Variants in MAD1L1 observed in about 807,000 individuals in gnomAD.
MAD1L1 encodes the protein mitotic spindle assembly checkpoint protein MAD1.
A neutral mutation model predicts 96.9 loss-of-function variants in MAD1L1; 95 were observed. The ratio of observed to expected loss-of-function variants is 0.98; its 90% confidence interval spans 0.83 to 1.16. The LOEUF is 1.16. MAD1L1 is among the 50% of genes most tolerant of loss of function. The probability of loss-of-function intolerance (pLI) is 0.00; values close to 1 mark genes in which losing one functional copy is unlikely to be tolerated. For missense variants in MAD1L1, 1,007 were observed against 954.4 expected (o/e 1.06, Z -0.73); for synonymous variants, 473 against 396.6 (o/e 1.19, Z -2.29).
intron 11 of MAD1L1, among the ~76,000 whole-genome samples, chr7:2,104,746 C>A (rs1230545865): frequency 6.6e-6 from 1 of 152,064 alleles, no homozygotes; most frequent in African/African-American, 2.4e-5. Context: ...TCCCTAACGC[C>A]TTTGCCATGA....
intron 17 of MAD1L1, among the ~76,000 whole-genome samples, chr7:1,936,290 G>A (rs1402681619): frequency 1.3e-5 from 2 of 152,256 alleles, no homozygotes; most frequent in African/African-American, 4.8e-5. Context: ...CACAGGCCTT[G>A]GCCTCAAAGG....
intron 14 of MAD1L1, among the ~76,000 whole-genome samples, chr7:1,990,211 C>T (rs1781346892): frequency 6.6e-6 from 1 of 152,220 alleles, no homozygotes; most frequent in Non-Finnish European, 1.5e-5. Flanking sequence ...CCTCACAGAA[C>T]CCTGGCTGCA....
At chr7:1,953,554 A>G (rs1454773339) in intron 16 of MAD1L1, among the ~76,000 whole-genome samples, 1 of 152,254 alleles carries the variant, frequency 6.6e-6, no homozygotes, top group African/African-American at 2.4e-5. Flanking sequence ...CTACTTAATT[A>G]CACGCACACT....
chr7:2,136,220 C>T (rs3778994), intron 11 of MAD1L1, among the ~76,000 whole-genome samples: 1 of 152,064 alleles, frequency 6.6e-6, no homozygotes, highest in Non-Finnish European at 1.5e-5. Context: ...TCATGCCCTG[C>T]GGAAGCGACC....
intron 11 of MAD1L1, among the ~76,000 whole-genome samples, chr7:2,122,031 G>A (rs1788006526): frequency 6.6e-6 from 1 of 152,236 alleles, no homozygotes; most frequent in Admixed American, 6.5e-5. Context: ...GGGGGAGACT[G>A]GAGGGACAGA....
intron 11 of MAD1L1, among the ~76,000 whole-genome samples, chr7:2,122,158 C>T (rs1023658186): frequency 3.3e-5 from 5 of 152,188 alleles, no homozygotes; most frequent in African/African-American, 1.2e-4. Context: ...CAAGAGAGGT[C>T]GGAGCAGTGG....
At chr7:1,827,827 G>GTCCCGGGTGT (rs1782507361) in intron 18 of MAD1L1, among the ~76,000 whole-genome samples, 2 of 151,880 alleles carry the variant, frequency 1.3e-5, no homozygotes, top group African/African-American at 4.8e-5. Context: ...TCCTGGGCCC[G>GTCCCGGGTGT]GGCTAGACAG....
At chr7:2,141,278 C>T (rs1789018915) in intron 11 of MAD1L1, among the ~76,000 whole-genome samples, 1 of 152,268 alleles carries the variant, frequency 6.6e-6, no homozygotes, top group Admixed American at 6.5e-5. Flanking sequence ...GCAGACACCG[C>T]GTGCTGCGGG....
chr7:2,048,850 G>C (rs767731382), intron 12 of MAD1L1, among the ~76,000 whole-genome samples: 60 of 152,320 alleles, frequency 3.9e-4, no homozygotes, highest in Non-Finnish European at 5.3e-4. Flanking sequence ...GCCAGCGCCA[G>C]GCCTTCTCGA....
At chr7:1,996,824 CT>C (rs879569983) in intron 14 of MAD1L1, among the ~76,000 whole-genome samples, 37,334 of 151,818 alleles carry the variant, frequency 0.25, 9,122 homozygotes, top group East Asian at 0.44. Flanking sequence ...TAAAGCTTCA[CT>C]CCTCACTCCC....
At chr7:1,980,238 ACG>A (rs1583983302) in intron 15 of MAD1L1, among the ~76,000 whole-genome samples, 2 of 152,102 alleles carry the variant, frequency 1.3e-5, no homozygotes, top group East Asian at 1.9e-4. Flanking sequence ...CCTGGGGGAC[ACG>A]CATGAGCGTG....
intron 16 of MAD1L1, among the ~76,000 whole-genome samples, chr7:1,954,267 C>G (rs958731850): frequency 1.3e-5 from 2 of 152,202 alleles, no homozygotes; most frequent in Non-Finnish European, 2.9e-5. Context: ...CAAAGACAGC[C>G]TGCGGGAAAG....
At chr7:1,891,403 G>GT (rs762021316) in intron 18 of MAD1L1, among the ~76,000 whole-genome samples, 145 of 152,198 alleles carry the variant, frequency 9.5e-4, no homozygotes, top group Admixed American at 2.2e-3. Flanking sequence ...GCGCACCCCT[G>GT]TAATGCCAGG....
intron 16 of MAD1L1, among the ~76,000 whole-genome samples, chr7:1,942,687 CCCGGCGCTGTCGGGA>C (rs1249461387): frequency 6.6e-6 from 1 of 152,166 alleles, no homozygotes; most frequent in Non-Finnish European, 1.5e-5. Flanking sequence ...GATCAGAAGA[CCCGGCGCTGTCGGGA>C]CCAGAGACTC....
chr7:1,831,053 G>A (rs117308933), intron 18 of MAD1L1, among the ~76,000 whole-genome samples: 806 of 152,362 alleles, frequency 5.3e-3, no homozygotes, highest in African/African-American at 0.012. Context: ...CAGATACAGC[G>A]TGCTCACAGA....
In MAD1L1 at chr7:1,820,270, G is replaced by A. The variant is rs148133868; in HGVS notation, c.1999-4042C>T. ...TACAGCATAATGAAATTTGCCAGAC[G>A]CACCCAAGGCAGTGCTTAGAGGGAA... is the stretch of plus-strand genomic sequence containing the variant. On this transcript the variant is annotated intron_variant, in intron 18 of 18. Transcript: ENST00000265854. Among the ~76,000 whole-genome samples, 800 of 152,196 alleles carry A rather than the reference G, an allele frequency of 5.3e-3. 8 individuals carry two copies. Among genetic ancestry groups the A allele is most frequent in the African/African-American group, 0.018 (760 of 41,550 alleles).
intron 14 of MAD1L1, among the ~76,000 whole-genome samples, chr7:1,990,479 A>G (rs1280898205): frequency 6.6e-6 from 1 of 152,236 alleles, no homozygotes; most frequent in Non-Finnish European, 1.5e-5. Flanking sequence ...GCTGTGGGCC[A>G]TGGACAGCCC....
At position 2,027,655 on chromosome 7, in the gene MAD1L1, C is replaced by T. The variant is rs142965519; in HGVS notation, c.1219-13013G>A. ...TTGATTAAAATTCAACATCTATTCA[C>T]GATAAAAACTATGAAACAAAACAAA... is the stretch of plus-strand genomic sequence containing the variant. On this transcript the variant is annotated intron_variant, in intron 12 of 18. Transcript: ENST00000265854. Among the ~76,000 whole-genome samples, 392 of 152,280 alleles carry T rather than the reference C, an allele frequency of 2.6e-3. 2 individuals carry two copies. The highest frequency in any genetic ancestry group is 8.8e-3 in the African/African-American group (364 of 41,542).
At chr7:2,081,531 G>A (rs1562668395) in intron 11 of MAD1L1, among the ~76,000 whole-genome samples, 1 of 152,152 alleles carries the variant, frequency 6.6e-6, no homozygotes, top group South Asian at 2.1e-4. Flanking sequence ...GCATCGGGCC[G>A]GAACCCACCC....
Sources: gnomAD v4.1 joint callset for allele counts (sites outside exome capture counted in the v4.1 genomes callset) on GRCh38, gnomAD v4.1.1 for gene constraint, MANE v1.5 for transcripts, NCBI Gene and HGNC (gene_info 2026-07-23, HGNC 2026-07-21) for gene names.